The following TOR1AIP2 variants were observed in gnomAD, a reference collection of about 807,000 sequenced individuals.
TOR1AIP2 encodes torsin-1A-interacting protein 2.
Under a neutral mutation model 32.6 loss-of-function variants are expected in TOR1AIP2, and 20 were observed. That is an observed-to-expected ratio of 0.61 (90% CI 0.43 to 0.89). The LOEUF (loss-of-function observed/expected upper bound fraction) is 0.89. TOR1AIP2 is among the 40% of genes least tolerant of loss of function. The pLI, the probability that TOR1AIP2 is intolerant of heterozygous loss-of-function variation, is 0.00. For synonymous variants in TOR1AIP2, 214 were observed against 210.8 expected (o/e 1.02, Z -0.13); for missense variants, 456 against 553.8 (o/e 0.82, Z 1.77).
intron 2 of TOR1AIP2, chr1:179,874,041 G>A (rs1221054721): frequency 6.6e-6 from 1 of 152,208 alleles, no homozygotes; most frequent in Non-Finnish European, 1.5e-5. Flanking sequence ...TGAATGCTCA[G>A]TGCTACTGGG....
At position 179,863,942 on chromosome 1, in the gene TOR1AIP2, G is replaced by A. The variant is rs1334807664; in HGVS notation, c.-147+1494C>T. 8.1e-6 allele frequency: 8 copies of A among 985,358 alleles called. No homozygotes were observed. The African/African-American group carries it at 1.2e-4, about 15-fold the overall frequency. 61.0% of individuals were successfully genotyped at this position (985,358 alleles called of 1,614,324 possible). A position where few individuals can be genotyped will look rare whatever the true frequency, so the allele number is the denominator to read the frequency against. On this transcript the variant is annotated intron_variant, in intron 3 of 6. Transcript: ENST00000609928. ...AGACCTCCTTAGTTCTAAGAAAGAT[G>A]CTTCCTCTAGACTGTTCATAATATA...
Position 179,846,144 on chromosome 1 carries a change from C to T in TOR1AIP2, c.1340G>A (p.Trp447Ter). ...CAGTACCAGGTGTGAAATTCGGCTCCACAGCCCACTCAATTTGTCTGAGTC... is the reference window on the plus strand; with the variant it reads ...CAGTACCAGGTGTGAAATTCGGCTCTACAGCCCACTCAATTTGTCTGAGTC... ...HMDSDKLSGLWSRISHLVLPV... is the reference protein window; with the variant it reads ...HMDSDKLSGL Residue 447 changes from tryptophan to a stop codon, truncating the protein, a stop_gained, in exon 7 of 7, where the codon TGG becomes TAG. Coordinates refer to ENST00000609928, the MANE Select transcript of TOR1AIP2 (RefSeq NM_001199260.2). LOFTEE classifies it high-confidence loss of function. 2.5e-6 allele frequency: 4 copies of T among 1,614,228 alleles called. No homozygotes were observed. The highest frequency in any genetic ancestry group is 3.4e-6 in the Non-Finnish European group (4 of 1,180,044).
chr1:179,863,174 C>T (rs1040111450), intron 3 of TOR1AIP2: 34 of 842,130 alleles, frequency 4.0e-5, no homozygotes, highest in Non-Finnish European at 4.6e-5. Flanking sequence ...TGCAGTGAAC[C>T]AAGACTGCCA....
chr1:179,859,827 T>C, intron 3 of TOR1AIP2: 2 of 985,258 alleles, frequency 2.0e-6, no homozygotes, highest in Non-Finnish European at 2.4e-6. Context: ...ATTTAAGAAG[T>C]TTTTTGTTTT....
In TOR1AIP2 at chr1:179,843,820, C is replaced by CAAAAAA. The variant is rs397754674; in HGVS notation, c.*2245_*2250dup. ...TGGGAGTCAGAGTGAGACTCCATCT[C>CAAAAAA]AAAAAAAAAAAAAAAAAAAAAAGAC... On this transcript the variant is annotated 3_prime_UTR_variant, in exon 7 of 7. Coordinates refer to ENST00000609928, the MANE Select transcript of TOR1AIP2 (RefSeq NM_001199260.2). 4.0e-4 allele frequency: 22 copies of CAAAAAA among 55,366 alleles called. No individual in the cohort carries two copies. The highest frequency in any genetic ancestry group is 7.9e-4 in the South Asian group (1 of 1,258). The allele number at this position is 55,366 out of a possible 1,614,324, so 3.4% of individuals were successfully genotyped here. A position where few individuals can be genotyped will look rare whatever the true frequency, so the allele number is the denominator to read the frequency against.
chr1:179,862,537 T>C, intron 3 of TOR1AIP2: 1 of 985,396 alleles, frequency 1.0e-6, no homozygotes, highest in Non-Finnish European at 1.2e-6. Context: ...TGGGGTACAT[T>C]CTTCATACAG....
chr1:179,866,901 T>C (rs1696806405), intron 2 of TOR1AIP2, among the ~76,000 whole-genome samples: 1 of 151,694 alleles, frequency 6.6e-6, no homozygotes, highest in Non-Finnish European at 1.5e-5. Flanking sequence ...CAGTAGGATG[T>C]ATGGAGCAAC....
chr1:179,876,373 AG>A (rs1647306080), intron 2 of TOR1AIP2, among the ~76,000 whole-genome samples: 1 of 152,240 alleles, frequency 6.6e-6, no homozygotes, highest in Admixed American at 6.5e-5. Flanking sequence ...CCTCTACATT[AG>A]GAAAGAAACT....
chr1:179,866,835 A>G (rs190205184), intron 2 of TOR1AIP2, among the ~76,000 whole-genome samples: 4 of 152,370 alleles, frequency 2.6e-5, no homozygotes, highest in African/African-American at 9.6e-5. Context: ...TGCAGATGTT[A>G]TCATCATCTT....
At chr1:179,872,289 T>C (rs1697040164) in intron 2 of TOR1AIP2, among the ~76,000 whole-genome samples, 1 of 152,230 alleles carries the variant, frequency 6.6e-6, no homozygotes. Context: ...AAATTCTGTC[T>C]ACAATTTCAC....
At chr1:179,847,690 G>GTA in intron 5 of TOR1AIP2, 54 bp from the exon 6 acceptor site, 1 of 1,155,192 alleles carries the variant, frequency 8.7e-7, no homozygotes. Context: ...ATGACAGTAT[G>GTA]TATACCTTTA....
chr1:179,854,345 AT>A (rs925381051), intron 3 of TOR1AIP2, among the ~76,000 whole-genome samples: 9 of 152,208 alleles, frequency 5.9e-5, no homozygotes, highest in Admixed American at 2.0e-4. Flanking sequence ...AGAAAAAAAA[AT>A]ATCATGCATA....
chr1:179,865,102 C>A (rs1696715746), intron 3 of TOR1AIP2: 1 of 1,614,012 alleles, frequency 6.2e-7, no homozygotes, highest in Non-Finnish European at 8.5e-7. Context: ...CAGTTTGGTA[C>A]AACCAGTGGC....
At chr1:179,870,433 G>C (rs921488297) in intron 2 of TOR1AIP2, among the ~76,000 whole-genome samples, 1 of 151,932 alleles carries the variant, frequency 6.6e-6, no homozygotes, top group Non-Finnish European at 1.5e-5. Flanking sequence ...ATACACATGT[G>C]CATTTTTTTC....
intron 3 of TOR1AIP2, chr1:179,861,289 A>G: frequency 4.1e-6 from 4 of 984,710 alleles, no homozygotes; most frequent in Non-Finnish European, 4.8e-6. Context: ...TTCATTATTC[A>G]TATCAACTAT....
At chr1:179,866,151 C>T (rs994929286) in intron 2 of TOR1AIP2, among the ~76,000 whole-genome samples, 4 of 151,930 alleles carry the variant, frequency 2.6e-5, no homozygotes, top group Non-Finnish European at 5.9e-5. Context: ...TAAAACTTAG[C>T]GATCTCTTGT....
chr1:179,867,773 C>A (rs1211846678), intron 2 of TOR1AIP2: 1 of 152,210 alleles, frequency 6.6e-6, no homozygotes, highest in Admixed American at 6.5e-5. Context: ...CATTCCCCAA[C>A]CTTCAGTTTT....
chr1:179,860,491 A>G (rs757916136), intron 3 of TOR1AIP2: 92 of 985,374 alleles, frequency 9.3e-5, no homozygotes, highest in Non-Finnish European at 1.1e-4. Context: ...CAAAAAAACA[A>G]AACAAAACAA....
chr1:179,863,810 T>C, intron 3 of TOR1AIP2: 1 of 985,056 alleles, frequency 1.0e-6, no homozygotes, highest in Non-Finnish European at 1.2e-6. Flanking sequence ...AATTTAAAAA[T>C]TGTTCAGTGG....
Sources: gnomAD v4.1 joint callset for allele counts (sites outside exome capture counted in the v4.1 genomes callset) on GRCh38, gnomAD v4.1.1 for gene constraint, MANE v1.5 for transcripts, NCBI Gene and HGNC (gene_info 2026-07-23, HGNC 2026-07-21) for gene names.